SMCHD1: variants seen among roughly 807,000 people sequenced by gnomAD.
The protein encoded by SMCHD1 is structural maintenance of chromosomes flexible hinge domain-containing protein 1.
A neutral mutation model predicts 254.7 loss-of-function variants in SMCHD1; 78 were observed. The observed-to-expected ratio is 0.31, with a 90% CI of 0.26 to 0.37. The LOEUF is 0.37. Ranked by LOEUF, SMCHD1 falls within the 10% of genes least tolerant of loss-of-function variation. The pLI is 1.00. For missense variants in SMCHD1, 1,840 were observed against 2,408.1 expected, an observed-to-expected ratio of 0.76 and a Z score of 4.94; for synonymous variants, 766 against 794.9, an observed-to-expected ratio of 0.96 and a Z score of 0.61.
rs766672538 is a variant in SMCHD1, at chr18:2,666,955, C to G, written c.348C>G (p.Asp116Glu). 1 of 1,611,516 alleles carries G rather than the reference C, an allele frequency of 6.2e-7. No homozygotes were observed. Among genetic ancestry groups the G allele is most frequent in the South Asian group, 1.1e-5 (1 of 90,710 alleles). ...TGACAGCTACGAAAGAACGAATTGACTTCTTACCTCACTATGACACACTGG... is the reference window on the plus strand; with the variant it reads ...TGACAGCTACGAAAGAACGAATTGAGTTCTTACCTCACTATGACACACTGG... ...LLLTATKERI[D>E]FLPHYDTLVK... The change falls in exon 3 of 48, where the codon GAC (aspartate) becomes GAG (glutamate). Residue 116 changes from aspartate to glutamate, a missense_variant. Transcript: ENST00000320876.
chr18:2,681,586 CAAAAAAAA>C (rs11338546), intron 5 of SMCHD1, among the ~76,000 whole-genome samples: 1 of 95,910 alleles, frequency 1.0e-5, no homozygotes, highest in Admixed American at 1.1e-4. Context: ...TCCTATCTCT[CAAAAAAAA>C]AAAAAAAAAA....
intron 41 of SMCHD1, 58 bp from the exon 42 acceptor site, chr18:2,775,676 A>G: frequency 6.8e-7 from 1 of 1,461,170 alleles, no homozygotes; most frequent in East Asian, 2.6e-5. Context: ...TTTTAACATA[A>G]TATCAAATTT....
intron 25 of SMCHD1, among the ~76,000 whole-genome samples, chr18:2,738,013 CT>C (rs1415317191): frequency 2.0e-5 from 3 of 152,136 alleles, no homozygotes; most frequent in Non-Finnish European, 2.9e-5. Context: ...CCACCTAGAT[CT>C]CATTGAAAGC....
At chr18:2,755,802 T>C (rs530481576) in intron 34 of SMCHD1, among the ~76,000 whole-genome samples, 42 of 151,144 alleles carry the variant, frequency 2.8e-4, no homozygotes, top group East Asian at 7.9e-4. Flanking sequence ...CTTCTGACAT[T>C]GTGATCCACC....
At chr18:2,793,790 A>T (rs1221786569) in intron 45 of SMCHD1, among the ~76,000 whole-genome samples, 2 of 152,216 alleles carry the variant, frequency 1.3e-5, no homozygotes, top group Non-Finnish European at 2.9e-5. Flanking sequence ...ATTTGTATTT[A>T]AATATGAATA....
chr18:2,724,767 T>G (rs961923714), intron 20 of SMCHD1, 132 bp from the exon 21 acceptor site: 3 of 436,838 alleles, frequency 6.9e-6, no homozygotes, highest in African/African-American at 5.9e-5. Flanking sequence ...TTTTTTCTGT[T>G]TAGTTTTTTA....
At chr18:2,799,316 G>A (rs2076317883) in intron 47 of SMCHD1, among the ~76,000 whole-genome samples, 1 of 151,842 alleles carries the variant, frequency 6.6e-6, no homozygotes, top group South Asian at 2.1e-4. Context: ...TCTCAATTAG[G>A]ACTAGCTACG....
chr18:2,744,012 T>C (rs2075400741), intron 29 of SMCHD1, 84 bp downstream of exon 29: 1 of 1,217,220 alleles, frequency 8.2e-7, no homozygotes, highest in African/African-American at 1.5e-5. Context: ...AGAATAGATA[T>C]ATTTTGTTGC....
rs200257223 is a variant in SMCHD1 at position 2,778,230 on chromosome 18, T to C, written c.5538T>C (p.Tyr1846=). The C allele has an allele frequency of 2.2e-5, 36 of 1,606,002 alleles. No individual in the cohort carries two copies. The highest frequency in any genetic ancestry group is 6.7e-5 in the Admixed American group (4 of 59,416). ...ILDNLDAANH[Y]RKEVVKITHC... is the part of the protein sequence containing the mutation. ...ATAATCTGGATGCGGCCAATCATTA[T>C]AGAAAAGAGGTATGTATTTGATTTC... Residue 1846 remains tyrosine (Y), a synonymous_variant, in exon 44 of 48, where the codon TAT becomes TAC. Coordinates refer to ENST00000320876, the MANE Select transcript of SMCHD1 (RefSeq NM_015295.3).
intron 8 of SMCHD1, among the ~76,000 whole-genome samples, chr18:2,695,318 T>C (rs1427611529): frequency 1.3e-5 from 2 of 151,756 alleles, no homozygotes; most frequent in African/African-American, 2.4e-5. Context: ...AATTTTTTTT[T>C]TTTTTTTTGA....
At chr18:2,676,175 AAAC>A (rs1568109122) in intron 5 of SMCHD1, among the ~76,000 whole-genome samples, 2 of 152,258 alleles carry the variant, frequency 1.3e-5, no homozygotes, top group Admixed American at 6.5e-5. Context: ...TAAAAGTACT[AAAC>A]AACTAACAGT....
intron 17 of SMCHD1, among the ~76,000 whole-genome samples, chr18:2,713,706 AT>A (rs1198252267): frequency 6.6e-6 from 1 of 152,198 alleles, no homozygotes; most frequent in Non-Finnish European, 1.5e-5. Context: ...TGTATTTTAA[AT>A]TTTCATATCA....
chr18:2,784,906 G>T, intron 45 of SMCHD1: 1 of 467,344 alleles, frequency 2.1e-6, no homozygotes, highest in East Asian at 6.2e-5. Flanking sequence ...GAGCCCAGGA[G>T]TTTGAGGTCA....
rs970605069 is a variant in SMCHD1, at chr18:2,694,809, C to T, written c.1040+116C>T. The T allele has an allele frequency of 2.3e-5, 19 of 815,496 alleles. No homozygotes were observed. The Admixed American group carries it at 3.0e-4, about 13-fold the overall frequency. 50.5% of individuals were successfully genotyped at this position (815,496 alleles called of 1,614,324 possible). On this transcript the variant is annotated intron_variant, in intron 8 of 47. Transcript: ENST00000320876. ...CGTTTTGCTCCTGTCTCATTTTCTTCCCTTTAGTATTATCCAGTACTCTGA... is the reference window on the plus strand; with the variant it reads ...CGTTTTGCTCCTGTCTCATTTTCTTTCCTTTAGTATTATCCAGTACTCTGA...
At chr18:2,687,112 C>T (rs537221931) in intron 5 of SMCHD1, among the ~76,000 whole-genome samples, 2 of 152,208 alleles carry the variant, frequency 1.3e-5, no homozygotes, top group East Asian at 3.9e-4. Context: ...TTGGTCACTC[C>T]CTTCCTGAAA....
At position 2,655,881 on chromosome 18, in the gene SMCHD1, G is replaced by C. The variant is rs1421212005; in HGVS notation, c.-195G>C. 1 of 375,120 alleles carries C rather than the reference G, an allele frequency of 2.7e-6. No homozygotes were observed. Among genetic ancestry groups the C allele is most frequent in the Non-Finnish European group, 4.7e-6 (1 of 213,178 alleles). The allele number at this position is 375,120 out of a possible 1,614,324, so 23.2% of individuals were successfully genotyped here. A position where few individuals can be genotyped will look rare whatever the true frequency, so the allele number is the denominator to read the frequency against. ...AGTGACGTGGTGCACGGGCAGGAGC[G>C]CGTTTGAATCGGTTCCCGGGTGATC... On this transcript the variant is annotated 5_prime_UTR_variant, in exon 1 of 48. Transcript: ENST00000320876.
chr18:2,705,946 T>C (rs1458581057), intron 14 of SMCHD1, 139 bp downstream of exon 14: 1 of 533,418 alleles, frequency 1.9e-6, no homozygotes, highest in Non-Finnish European at 3.3e-6. Context: ...TTTTTATGTG[T>C]CATAAGTTGA....
At chr18:2,749,607 T>C (rs965097577) in intron 30 of SMCHD1, among the ~76,000 whole-genome samples, 2 of 152,152 alleles carry the variant, frequency 1.3e-5, no homozygotes, top group Admixed American at 6.5e-5. Context: ...GAGTAGACTT[T>C]CAAGAGAAAA....
Position 2,772,344 on chromosome 18 carries a change from C to G in SMCHD1, c.5147C>G (p.Thr1716Ser). The part of the protein sequence containing the change: ...PRRSCTLPNY[T>S]KGSGDVLGKI... The stretch of plus-strand genomic sequence containing the variant: ...AGATCGTGTACTCTTCCAAACTATA[C>G]TAAAGGCAGTGGAGATGTTTTGGGA... Residue 1716 changes from threonine (T) to serine (S), a missense_variant, in exon 41 of 48, where the codon ACT (threonine) becomes AGT (serine). Thr to Ser is a moderately conservative substitution (Grantham distance 58). Around this residue, in one of 9 missense-constraint regions of SMCHD1, gnomAD observed 881 missense variants for 1,009.5 expected, o/e 0.87. Transcript: ENST00000320876. 1 of 1,588,282 alleles carries G rather than the reference C, an allele frequency of 6.3e-7. No homozygotes were observed.
Sources: gnomAD v4.1 joint callset for allele counts (sites outside exome capture counted in the v4.1 genomes callset) on GRCh38, gnomAD v4.1.1 for gene constraint, gnomAD v4.1.1 regional missense constraint, MANE v1.5 for transcripts, NCBI Gene and HGNC (gene_info 2026-07-23, HGNC 2026-07-21) for gene names.